The following ANKDD1A variants were observed in gnomAD, a reference collection of about 807,000 sequenced individuals.
ANKDD1A encodes the protein ankyrin repeat and death domain-containing protein 1A.
ANKDD1A carries 59 observed loss-of-function variants against 63.5 expected under a neutral mutation model. The observed-to-expected ratio is 0.93, with a 90% CI of 0.75 to 1.15. The LOEUF (loss-of-function observed/expected upper bound fraction) is 1.15, where lower values mean the gene tolerates loss of function less well. Ranked by LOEUF, ANKDD1A falls within the 50% of genes most tolerant of loss-of-function variation. ANKDD1A has a pLI of 0.00. For missense variants in ANKDD1A, 632 were observed against 656.4 expected (o/e 0.96, Z 0.41); for synonymous variants, 266 against 263.9 (o/e 1.01, Z -0.08).
intron 6 of ANKDD1A, among the ~76,000 whole-genome samples, chr15:64,928,722 C>G (rs1015504897): frequency 6.6e-6 from 1 of 152,222 alleles, no homozygotes. Context: ...AAGTTGCTGT[C>G]AAGGCCTCAC....
chr15:64,932,742 T>C (rs1448295598), intron 8 of ANKDD1A: 1 of 151,882 alleles, frequency 6.6e-6, no homozygotes, highest in Non-Finnish European at 1.5e-5. Flanking sequence ...AATTAAAATG[T>C]TATGCTAAAA....
intron 14 of ANKDD1A, among the ~76,000 whole-genome samples, chr15:64,953,045 TTC>T (rs2085329623): frequency 4.8e-5 from 1 of 20,816 alleles, no homozygotes; most frequent in Admixed American, 9.8e-4. Flanking sequence ...CCTTTCTTCT[TTC>T]CTCTCTTTTT....
intron 11 of ANKDD1A, 29 bp downstream of exon 11, chr15:64,943,611 C>T: frequency 6.2e-7 from 1 of 1,607,748 alleles, no homozygotes. Flanking sequence ...CACCTCGCTT[C>T]AGGCTTTCAT....
At chr15:64,953,964 T>TTC (rs1555397943) in intron 14 of ANKDD1A, among the ~76,000 whole-genome samples, 6,505 of 36,796 alleles carry the variant, frequency 0.18, 670 homozygotes, top group African/African-American at 0.26. Context: ...TGTTTCTTTT[T>TTC]TTCTTCTTTC....
intron 4 of ANKDD1A, among the ~76,000 whole-genome samples, chr15:64,924,569 C>G (rs977190184): frequency 1.3e-5 from 2 of 152,244 alleles, no homozygotes; most frequent in Non-Finnish European, 2.9e-5. Context: ...AAGCTTTCTC[C>G]TTTCGCTGCT....
At chr15:64,914,528 A>T (rs1208973494) in intron 1 of ANKDD1A, among the ~76,000 whole-genome samples, 26 of 152,316 alleles carry the variant, frequency 1.7e-4, no homozygotes, top group Non-Finnish European at 7.4e-5. Flanking sequence ...TCCTGGCTTC[A>T]AGCCATCCTC....
intron 14 of ANKDD1A, among the ~76,000 whole-genome samples, chr15:64,953,577 T>C (rs2085347860): frequency 9.7e-6 from 1 of 102,808 alleles, no homozygotes; most frequent in Non-Finnish European, 2.1e-5. Flanking sequence ...TTCTTCTTAG[T>C]TCTTCTTCTT....
In ANKDD1A at chr15:64,935,847, GA is replaced by G. The variant is rs577374491; in HGVS notation, c.867+1623del. Among the ~76,000 whole-genome samples, 353 of 147,242 alleles carry G rather than the reference GA, an allele frequency of 2.4e-3. 4 individuals carry two copies. The highest frequency in any genetic ancestry group is 0.017 in the South Asian group (81 of 4,642). On this transcript the variant is annotated intron_variant, in intron 9 of 14. Coordinates refer to ENST00000319580, the MANE Select transcript of ANKDD1A (RefSeq NM_182703.6). ...CAACAGAGTGAGACTGTCTCAAAAA[GA>G]AAAAAAAAAGTAGTGGGAGTTTCAA... is the stretch of plus-strand genomic sequence containing the variant.
chr15:64,954,376 T>TTTC (rs368676221), intron 14 of ANKDD1A, among the ~76,000 whole-genome samples: 116,728 of 137,746 alleles, frequency 0.85, 49,264 homozygotes, highest in East Asian at 0.98. Flanking sequence ...TCTTCTTCCT[T>TTTC]TTCTTTTCTT....
At chr15:64,928,327 A>T (rs999024945) in intron 6 of ANKDD1A, among the ~76,000 whole-genome samples, 1 of 152,262 alleles carries the variant, frequency 6.6e-6, no homozygotes, top group Non-Finnish European at 1.5e-5. Flanking sequence ...CTAGGCATGC[A>T]AAGAGCGGGG....
chr15:64,949,748 A>G, intron 13 of ANKDD1A, 93 bp from the exon 14 acceptor site: 1 of 1,535,854 alleles, frequency 6.5e-7, no homozygotes, highest in Non-Finnish European at 8.8e-7. Flanking sequence ...GGGCATGTTC[A>G]GGAGGCGGTG....
At chr15:64,929,647 A>G (rs2085073287) in intron 6 of ANKDD1A, among the ~76,000 whole-genome samples, 1 of 152,198 alleles carries the variant, frequency 6.6e-6, no homozygotes, top group South Asian at 2.1e-4. Flanking sequence ...CTCAAGTCCC[A>G]GGGACACATG....
chr15:64,953,637 C>G (rs1160305337), intron 14 of ANKDD1A, among the ~76,000 whole-genome samples: 3 of 4,150 alleles, frequency 7.2e-4, no homozygotes, highest in Non-Finnish European at 4.3e-3. Flanking sequence ...CTTCCTTCTT[C>G]TTCCTCTTCC....
At position 64,915,916 on chromosome 15, in the gene ANKDD1A, C is replaced by G. The variant is rs1281149563; in HGVS notation, c.138+16C>G. The G allele has an allele frequency of 1.2e-6, 2 of 1,610,424 alleles. No individual in the cohort carries two copies. Among genetic ancestry groups the G allele is most frequent in the Non-Finnish European group, 1.7e-6 (2 of 1,177,710 alleles). The stretch of plus-strand genomic sequence containing the variant: ...CAGAAACCACGTGCGTAATGAGCTT[C>G]TCTGAATCCAGGCACCTGGGATAGT... On this transcript the variant is annotated intron_variant, in intron 2 of 14. Coordinates refer to ENST00000319580, the MANE Select transcript of ANKDD1A (RefSeq NM_182703.6).
intron 9 of ANKDD1A, among the ~76,000 whole-genome samples, chr15:64,935,623 C>G (rs1007124621): frequency 4.0e-5 from 6 of 151,754 alleles, no homozygotes; most frequent in Non-Finnish European, 1.5e-5. Context: ...TGCAGTGAGC[C>G]GAGATCGCAC....
chr15:64,918,846 G>T (rs1378698533), intron 3 of ANKDD1A, among the ~76,000 whole-genome samples: 1 of 151,970 alleles, frequency 6.6e-6, no homozygotes, highest in Non-Finnish European at 1.5e-5. Flanking sequence ...CCCAGCTGCT[G>T]GGGAGGCTGA....
rs535983524 is a variant in ANKDD1A at position 64,926,204 on chromosome 15, T to C, written c.471+34T>C. 7.5e-6 allele frequency: 12 copies of C among 1,600,570 alleles called. No individual in the cohort carries two copies. The South Asian group carries it at 7.8e-5, about 10-fold the overall frequency. On this transcript the variant is annotated intron_variant, in intron 5 of 14. Coordinates refer to ENST00000319580, the MANE Select transcript of ANKDD1A (RefSeq NM_182703.6). ...GCCTCAGGGCTACTCATCATTCCCA[T>C]TGGGCGGGGGGCTCCTGGGGCCACT...
intron 3 of ANKDD1A, among the ~76,000 whole-genome samples, chr15:64,918,015 G>C (rs2084982648): frequency 1.3e-5 from 2 of 152,218 alleles, no homozygotes; most frequent in South Asian, 4.1e-4. Context: ...GAAAAAGGCT[G>C]AATCTAATAA....
At position 64,931,415 on chromosome 15, in the gene ANKDD1A, T is replaced by C. The variant is rs118134706; in HGVS notation, c.670-72T>C. The C allele has an allele frequency of 2.8e-6, 4 of 1,451,136 alleles. No individual in the cohort carries two copies. The East Asian group carries it at 9.8e-5, about 35-fold the overall frequency. The allele number at this position is 1,451,136 out of a possible 1,614,324, so 89.9% of individuals were successfully genotyped here. ...GGGCCAAGGCACAAGGGGCATCCTC[T>C]CACCGTGGGATTGGGGGTCACTTGG... On this transcript the variant is annotated intron_variant, in intron 7 of 14. Coordinates refer to ENST00000319580, the MANE Select transcript of ANKDD1A (RefSeq NM_182703.6).
Sources: gnomAD v4.1 joint callset for allele counts (sites outside exome capture counted in the v4.1 genomes callset) on GRCh38, gnomAD v4.1.1 for gene constraint, MANE v1.5 for transcripts, NCBI Gene and HGNC (gene_info 2026-07-23, HGNC 2026-07-21) for gene names.